RP1: variants seen among roughly 807,000 people sequenced by gnomAD.
RP1 encodes the protein oxygen-regulated protein 1.
In RP1, 16 loss-of-function variants were observed where a neutral mutation model predicts 14.8. The observed-to-expected ratio is 1.08, with a 90% CI of 0.73 to 1.65. The LOEUF (loss-of-function observed/expected upper bound fraction) is 1.65. RP1 is among the 40% of genes most tolerant of loss of function. The probability of loss-of-function intolerance (pLI) is 0.00; values close to 1 mark genes in which losing one functional copy is unlikely to be tolerated. For missense variants in RP1, 2,631 were observed against 2,535.0 expected, an observed-to-expected ratio of 1.04 and a Z score of -0.81; for synonymous variants, 876 against 883.6, an observed-to-expected ratio of 0.99 and a Z score of 0.15.
chr8:54,639,598 G>A (rs888865894), intron 3 of RP1, among the ~76,000 whole-genome samples: 2 of 152,070 alleles, frequency 1.3e-5, no homozygotes, highest in African/African-American at 4.8e-5. Flanking sequence ...TTAAATTTTA[G>A]CTATACCAGT....
At chr8:54,590,019 A>G (rs1024814026) in intron 1 of RP1, among the ~76,000 whole-genome samples, 2 of 152,166 alleles carry the variant, frequency 1.3e-5, no homozygotes, top group African/African-American at 4.8e-5. Context: ...ACCTGCATCA[A>G]GTACCACATC....
At chr8:54,633,153 T>C (rs569079890), downstream of RP1, among the ~76,000 whole-genome samples, 5 of 152,016 alleles carry the variant, frequency 3.3e-5, no homozygotes, top group Admixed American at 6.6e-5. Flanking sequence ...CCCCCAAATA[T>C]TAAACCCGGA....
At position 54,636,610 on chromosome 8, in the gene RP1, C is replaced by T. The variant is rs561478162; in HGVS notation, c.788-12375C>T. On this transcript the variant is annotated intron_variant, in intron 3 of 22. Coordinates refer to the RP1 transcript ENST00000636932. The stretch of plus-strand genomic sequence containing the variant: ...AAAATTAGCTGGGCCTGGTCGTGGG[C>T]GCCTGTAATCCTAGCTACTCGGGAG... Among the ~76,000 whole-genome samples the T allele has an allele frequency of 8.5e-5, 13 of 152,170 alleles. No homozygotes were observed. The South Asian group carries it at 1.0e-3, about 12-fold the overall frequency.
intron 27 of RP1, among the ~76,000 whole-genome samples, chr8:54,859,168 G>T (rs1305710327): frequency 2.6e-5 from 4 of 151,726 alleles, no homozygotes; most frequent in Non-Finnish European, 5.9e-5. Flanking sequence ...GTGTGGAGTG[G>T]TATCACTGTA....
intron 1 of RP1, among the ~76,000 whole-genome samples, chr8:54,562,857 TC>T (rs1804318078): frequency 6.6e-6 from 1 of 152,140 alleles, no homozygotes; most frequent in African/African-American, 2.4e-5. Flanking sequence ...TCTTTGAAAT[TC>T]CCCAGGGAGT....
At chr8:54,607,505 G>A (rs957849980) in intron 1 of RP1, among the ~76,000 whole-genome samples, 2 of 152,182 alleles carry the variant, frequency 1.3e-5, no homozygotes, top group Non-Finnish European at 2.9e-5. Flanking sequence ...ACCCACTTGA[G>A]GAGGCAGTCT....
At chr8:54,753,866 A>G (rs1248538144) in intron 19 of RP1, among the ~76,000 whole-genome samples, 1 of 152,168 alleles carries the variant, frequency 6.6e-6, no homozygotes, top group Admixed American at 6.5e-5. Context: ...AGCAAGCTCG[A>G]AGAATAAGCC....
intron 27 of RP1, chr8:54,865,731 A>G (rs1047819271): frequency 2.4e-6 from 1 of 417,980 alleles, no homozygotes; most frequent in African/African-American, 2.0e-5. Context: ...GTACCTTGAC[A>G]TGTGTACTTA....
chr8:54,614,798 G>C (rs1380633540), upstream of RP1, among the ~76,000 whole-genome samples: 1 of 151,988 alleles, frequency 6.6e-6, no homozygotes, highest in African/African-American at 2.4e-5. Context: ...TCTGGCCCTG[G>C]CCCACCTTTG....
intron 19 of RP1, among the ~76,000 whole-genome samples, chr8:54,742,780 G>T (rs980349962): frequency 6.6e-6 from 1 of 152,188 alleles, no homozygotes; most frequent in Non-Finnish European, 1.5e-5. Flanking sequence ...ACTTACCCAT[G>T]AGTTAAGTGG....
At chr8:54,680,754 C>T (rs1260447696) in intron 12 of RP1, among the ~76,000 whole-genome samples, 4 of 151,810 alleles carry the variant, frequency 2.6e-5, no homozygotes, top group South Asian at 2.1e-4. Context: ...GTCAGGAGAT[C>T]GAGACCATCC....
At chr8:54,634,247 T>C (rs1806306822), downstream of RP1, among the ~76,000 whole-genome samples, 1 of 152,204 alleles carries the variant, frequency 6.6e-6, no homozygotes, top group African/African-American at 2.4e-5. Flanking sequence ...TGCCAAAGAT[T>C]GTATTTAACT....
Position 54,699,489 on chromosome 8 carries a change from CA to C in RP1, c.1744del (p.Arg582GlufsTer11), listed in dbSNP as rs1310014336. On this transcript the variant is annotated frameshift_variant, in exon 13 of 23. Coordinates refer to the RP1 transcript ENST00000636932. LOFTEE classifies it high-confidence loss of function. ...CAGGTGTCTTTGATGTTATTTTCAA[CA>C]AAAGAAATATATGCATTTTCCAAAG... 23 of 1,381,618 alleles carry C rather than the reference CA, an allele frequency of 1.7e-5. No homozygotes were observed. Among genetic ancestry groups the C allele is most frequent in the Non-Finnish European group, 2.2e-5 (23 of 1,055,046 alleles). The allele number at this position is 1,381,618 out of a possible 1,614,324, so 85.6% of individuals were successfully genotyped here.
At chr8:54,795,756 A>G (rs570854101) in intron 24 of RP1, among the ~76,000 whole-genome samples, 35 of 152,260 alleles carry the variant, frequency 2.3e-4, no homozygotes, top group African/African-American at 7.9e-4. Context: ...TGTCTCTCAA[A>G]ATTGTGACCC....
chr8:54,799,794 G>T (rs1351536588), intron 24 of RP1, among the ~76,000 whole-genome samples: 1 of 151,760 alleles, frequency 6.6e-6, no homozygotes, highest in Non-Finnish European at 1.5e-5. Flanking sequence ...ATTTCTTATA[G>T]CATTGTTGTC....
intron 12 of RP1, among the ~76,000 whole-genome samples, chr8:54,689,664 A>G (rs987744873): frequency 2.6e-5 from 4 of 152,130 alleles, no homozygotes; most frequent in Admixed American, 6.6e-5. Context: ...ATAAGCTTGT[A>G]TATGTACTTG....
rs114816408 is a variant in RP1 at position 54,865,354 on chromosome 8, C to A, written c.4070-481C>A. Among the ~76,000 whole-genome samples the A allele has an allele frequency of 6.2e-3, 938 of 151,596 alleles. 8 individuals carry two copies. The highest frequency in any genetic ancestry group is 0.022 in the African/African-American group (890 of 41,382). ...TCTTCTTTCCCTCCTCTCCTTCCTC[C>A]CTTCTTCCCTCCTTCTCTCTCTCCC... On this transcript the variant is annotated intron_variant, in intron 27 of 28. Coordinates refer to the RP1 transcript ENST00000637698.
intron 1 of RP1, among the ~76,000 whole-genome samples, chr8:54,579,992 G>A (rs745586056): frequency 3.9e-5 from 6 of 152,084 alleles, no homozygotes; most frequent in Non-Finnish European, 7.4e-5. Context: ...GAGAGCCCTG[G>A]ACCAGGTACC....
chr8:54,683,615 G>C (rs565759576), intron 12 of RP1, among the ~76,000 whole-genome samples: 11 of 152,002 alleles, frequency 7.2e-5, no homozygotes, highest in Non-Finnish European at 1.5e-4. Flanking sequence ...GCTTGTTGTT[G>C]GTGTATATGA....
Sources: allele counts gnomAD v4.1 joint callset (sites outside exome capture counted in the v4.1 genomes callset), GRCh38; gene constraint gnomAD v4.1.1; transcripts MANE v1.5; gene names NCBI Gene and HGNC (gene_info 2026-07-23, HGNC 2026-07-21).